Variants in SCYL2 observed in about 807,000 individuals in gnomAD.
The protein encoded by SCYL2 is SCY1-like protein 2.
SCYL2 carries 36 observed loss-of-function variants against 100.4 expected under a neutral mutation model. The ratio of observed to expected loss-of-function variants is 0.36; its 90% CI spans 0.27 to 0.47. The LOEUF (loss-of-function observed/expected upper bound fraction) is 0.47. SCYL2 is among the 20% of genes least tolerant of loss of function. The pLI is 1.00. For missense variants in SCYL2, 902 were observed against 1,083.9 expected, an observed-to-expected ratio of 0.83 and a Z score of 2.36; for synonymous variants, 330 against 359.2, an observed-to-expected ratio of 0.92 and a Z score of 0.92.
intron 15 of SCYL2, 34 bp downstream of exon 15, chr12:100,335,725 C>T: frequency 1.3e-6 from 2 of 1,593,122 alleles, no homozygotes; most frequent in Non-Finnish European, 1.7e-6. Flanking sequence ...AGAAAGTATG[C>T]TTCATCTGGA....
intron 4 of SCYL2, among the ~76,000 whole-genome samples, chr12:100,308,671 G>A (rs1158502057): frequency 6.6e-6 from 1 of 152,082 alleles, no homozygotes; most frequent in African/African-American, 2.4e-5. Context: ...GAAAGAAATT[G>A]CAGTCCTTGT....
chr12:100,311,778 C>T (rs764850527), intron 5 of SCYL2, among the ~76,000 whole-genome samples: 1 of 152,192 alleles, frequency 6.6e-6, no homozygotes, highest in Admixed American at 6.5e-5. Flanking sequence ...CCTATTCATA[C>T]TTAGAGAAAC....
At chr12:100,308,601 A>T (rs146232207) in intron 4 of SCYL2, among the ~76,000 whole-genome samples, 2 of 152,332 alleles carry the variant, frequency 1.3e-5, no homozygotes, top group Admixed American at 1.3e-4. Flanking sequence ...AAAAAACTGC[A>T]CATTCTGCAC....
At chr12:100,313,967 A>G (rs1242164194) in intron 7 of SCYL2, among the ~76,000 whole-genome samples, 1 of 147,600 alleles carries the variant, frequency 6.8e-6, no homozygotes, top group Admixed American at 7.0e-5. Flanking sequence ...TGCAACCTCC[A>G]CCTCCCAGGT....
At chr12:100,283,419 C>T (rs1012909283) in intron 2 of SCYL2, among the ~76,000 whole-genome samples, 4 of 152,074 alleles carry the variant, frequency 2.6e-5, no homozygotes, top group Non-Finnish European at 5.9e-5. Flanking sequence ...GTTGAGCAAA[C>T]GAGTATATTA....
At chr12:100,280,370 C>T (rs1011073182) in intron 1 of SCYL2, among the ~76,000 whole-genome samples, 3 of 151,990 alleles carry the variant, frequency 2.0e-5, no homozygotes, top group Non-Finnish European at 2.9e-5. Context: ...AATAATAAAA[C>T]CTAGTATGGG....
rs181221932 is a variant in SCYL2 at position 100,319,050 on chromosome 12, A to G, written c.1395+1125A>G. Reference sequence around the variant, plus strand: ...GTAAAAGCTTATAGTCTCTGCTAGTATAAACATTTTAATAAAATAGGATTT... The same window carrying G: ...GTAAAAGCTTATAGTCTCTGCTAGTGTAAACATTTTAATAAAATAGGATTT... On this transcript the variant is annotated intron_variant, in intron 10 of 17. Transcript: ENST00000360820. Among the ~76,000 whole-genome samples, 12 of 152,360 alleles carry G rather than the reference A, an allele frequency of 7.9e-5. No homozygotes were observed. The East Asian group carries it at 1.9e-3, about 24-fold the overall frequency.
Position 100,291,665 on chromosome 12 carries a change from A to AT in SCYL2, c.335+10dup. The AT allele has an allele frequency of 6.4e-7, 1 of 1,566,450 alleles. No homozygotes were observed. Among genetic ancestry groups the AT allele is most frequent in the South Asian group, 1.3e-5 (1 of 78,816 alleles). On this transcript the variant is annotated splice_donor_region_variant and intron_variant, in intron 3 of 17. Transcript: ENST00000360820. ...GCATCCTTTAGAAGAATCCAGGTAA[A>AT]TTTTTACAAAAACTTACATAGTAGA...
At chr12:100,311,604 C>A (rs2096342269) in intron 5 of SCYL2, among the ~76,000 whole-genome samples, 1 of 152,040 alleles carries the variant, frequency 6.6e-6, no homozygotes, top group African/African-American at 2.4e-5. Context: ...CTTATTTAAT[C>A]CTCACAATAA....
intron 1 of SCYL2, 121 bp from the exon 2 acceptor site, chr12:100,282,822 A>AT (rs2096300349): frequency 4.7e-6 from 2 of 428,902 alleles, no homozygotes; most frequent in Non-Finnish European, 4.0e-6. Context: ...TACAACTTTC[A>AT]TCTATATAGG....
At chr12:100,335,355 G>A (rs1952262275) in intron 14 of SCYL2, among the ~76,000 whole-genome samples, 2 of 151,980 alleles carry the variant, frequency 1.3e-5, no homozygotes, top group Admixed American at 1.3e-4. Context: ...TAAGCTCTTT[G>A]ACAAGAGAAC....
At chr12:100,279,621 T>C (rs1441683296) in intron 1 of SCYL2, among the ~76,000 whole-genome samples, 1 of 152,242 alleles carries the variant, frequency 6.6e-6, no homozygotes, top group African/African-American at 2.4e-5. Flanking sequence ...ACTTTGGTCA[T>C]TTGATAATTG....
intron 9 of SCYL2, among the ~76,000 whole-genome samples, chr12:100,316,145 A>C (rs1026451610): frequency 6.6e-6 from 1 of 152,210 alleles, no homozygotes; most frequent in African/African-American, 2.4e-5. Context: ...GCTTTGTGCC[A>C]GTTGTTTCTC....
At chr12:100,294,409 G>A (rs1180655443) in intron 3 of SCYL2, among the ~76,000 whole-genome samples, 60 of 102,990 alleles carry the variant, frequency 5.8e-4, no homozygotes, top group African/African-American at 6.5e-4. Flanking sequence ...CCTCCCGGAC[G>A]GGGCGGCTGG....
chr12:100,283,000 T>A lies in SCYL2; in HGVS notation c.30T>A (p.Ser10Arg). The change falls in exon 2 of 18, where the codon AGT becomes AGA. Residue 10 changes from serine to arginine, a missense_variant. By Grantham distance (110) the Ser-to-Arg change is moderately radical. Coordinates refer to ENST00000360820, the MANE Select transcript of SCYL2 (RefSeq NM_017988.6). MESMLNKLK[S>R]TVTKVTADVT... is the part of the protein sequence containing the mutation. Reference sequence around the variant, plus strand: ...AGTCCATGCTTAATAAATTGAAGAGTACTGTTACAAAAGTAACAGCTGATG... The same window carrying A: ...AGTCCATGCTTAATAAATTGAAGAGAACTGTTACAAAAGTAACAGCTGATG... The A allele has an allele frequency of 6.2e-7, 1 of 1,608,802 alleles. No homozygotes were observed. Among genetic ancestry groups the A allele is most frequent in the Non-Finnish European group, 8.5e-7 (1 of 1,177,832 alleles).
intron 1 of SCYL2, among the ~76,000 whole-genome samples, chr12:100,279,531 T>C (rs1392799516): frequency 6.6e-6 from 1 of 152,254 alleles, no homozygotes; most frequent in African/African-American, 2.4e-5. Context: ...TTGTTTAGTA[T>C]CTGAATTTTT....
rs1359369277 is a variant in SCYL2, at chr12:100,311,164, G to A, written c.601G>A (p.Val201Ile). ...AWKIMGFDFC[V>I]SSTNPSEQEP... ...GAAAATAATGGGTTTTGATTTTTGT[G>A]TATCATCAACCAATCCTTCTGAACA... is the stretch of plus-strand genomic sequence containing the variant. The change falls in exon 5 of 18, where the codon GTA becomes ATA. Residue 201 changes from valine (V) to isoleucine (I), a missense_variant. Coordinates refer to ENST00000360820, the MANE Select transcript of SCYL2 (RefSeq NM_017988.6). The A allele has an allele frequency of 6.2e-7, 1 of 1,605,554 alleles. No homozygotes were observed. Among genetic ancestry groups the A allele is most frequent in the Non-Finnish European group, 8.5e-7 (1 of 1,177,528 alleles).
At chr12:100,317,099 CAA>C (rs766952925) in intron 9 of SCYL2, among the ~76,000 whole-genome samples, 54 of 114,328 alleles carry the variant, frequency 4.7e-4, no homozygotes, top group Admixed American at 5.6e-4. Context: ...GGCCCTGTCT[CAA>C]AAAAAAAAAA....
chr12:100,334,357 T>G, intron 14 of SCYL2, 91 bp downstream of exon 14: 1 of 793,518 alleles, frequency 1.3e-6, no homozygotes, highest in East Asian at 2.5e-5. Flanking sequence ...ATAGAAAACT[T>G]GCTGGATTTA....
Sources: allele counts gnomAD v4.1 joint callset (sites outside exome capture counted in the v4.1 genomes callset), GRCh38; gene constraint gnomAD v4.1.1; transcripts MANE v1.5; gene names NCBI Gene and HGNC (gene_info 2026-07-23, HGNC 2026-07-21).